Variants in UMAD1 observed in about 807,000 individuals in gnomAD.
UMAD1 encodes UBAP1-MVB12-associated (UMA)-domain containing protein 1.
Under a neutral mutation model 6.1 loss-of-function variants are expected in UMAD1, and 8 were observed. The ratio of observed to expected loss-of-function variants is 1.30; its 90% CI spans 0.76 to 2.35. The LOEUF is 2.35. Among genes scored for constraint, UMAD1 ranks in the 30% most tolerant of loss-of-function variants. The pLI is 0.00. For synonymous variants in UMAD1, 56 were observed against 31.4 expected (o/e 1.78, Z -2.61); for missense variants, 130 against 78.4 (o/e 1.66, Z -2.49).
At position 7,821,446 on chromosome 7, in the gene UMAD1, A is replaced by T. The variant is rs563010562; in HGVS notation, c.156+19703A>T. Among the ~76,000 whole-genome samples the T allele has an allele frequency of 3.9e-4, 59 of 152,344 alleles. No homozygotes were observed. The South Asian group carries it at 9.1e-3, about 24-fold the overall frequency. On this transcript the variant is annotated intron_variant, in intron 3 of 3. Coordinates refer to ENST00000682710, the MANE Select transcript of UMAD1 (RefSeq NM_001302348.2). Reference sequence around the variant, plus strand: ...CCTGTTTAACTTTCTTAATGTGGCTATCAAAAAATTTAAAATTATATGTGT... The same window carrying T: ...CCTGTTTAACTTTCTTAATGTGGCTTTCAAAAAATTTAAAATTATATGTGT...
intron 2 of UMAD1, among the ~76,000 whole-genome samples, chr7:7,680,108 TC>T (rs2115119884): frequency 6.6e-6 from 1 of 152,266 alleles, no homozygotes; most frequent in Non-Finnish European, 1.5e-5. Context: ...ACTCAAGAAA[TC>T]TTTGTTCAGA....
chr7:7,662,533 G>GCACAGTCCCT (rs1785501796), intron 1 of UMAD1, among the ~76,000 whole-genome samples: 1 of 152,144 alleles, frequency 6.6e-6, no homozygotes, highest in South Asian at 2.1e-4. Context: ...GTTCCTCACC[G>GCACAGTCCCT]CACAGTCCCT....
intron 3 of UMAD1, among the ~76,000 whole-genome samples, chr7:7,858,899 C>T (rs924856403): frequency 4.6e-5 from 7 of 152,118 alleles, no homozygotes; most frequent in African/African-American, 1.4e-4. Context: ...TGCCACTAAT[C>T]TCAGGAAAAT....
chr7:7,784,157 G>A (rs1239792081), intron 2 of UMAD1, among the ~76,000 whole-genome samples: 4 of 152,170 alleles, frequency 2.6e-5, no homozygotes, highest in South Asian at 4.2e-4. Context: ...TAGGAGTTTT[G>A]TGACACTGGG....
intron 1 of UMAD1, among the ~76,000 whole-genome samples, chr7:7,661,331 T>C (rs1785469468): frequency 6.6e-6 from 1 of 152,152 alleles, no homozygotes; most frequent in Admixed American, 6.5e-5. Context: ...TTTGTCAAAC[T>C]CACCATTTTT....
chr7:7,732,402 G>A (rs1026702392), intron 2 of UMAD1, among the ~76,000 whole-genome samples: 1 of 151,990 alleles, frequency 6.6e-6, no homozygotes, highest in Non-Finnish European at 1.5e-5. Context: ...AAATAATAAA[G>A]TTTCTAATAG....
At chr7:7,706,850 C>G (rs1267246844) in intron 2 of UMAD1, among the ~76,000 whole-genome samples, 1 of 152,126 alleles carries the variant, frequency 6.6e-6, no homozygotes, top group Non-Finnish European at 1.5e-5. Context: ...GATAGAGCAT[C>G]TTGACTTACT....
chr7:7,860,209 A>G (rs1238383393), intron 3 of UMAD1, among the ~76,000 whole-genome samples: 1 of 152,212 alleles, frequency 6.6e-6, no homozygotes, highest in Non-Finnish European at 1.5e-5. Flanking sequence ...ATTTTAATTT[A>G]TAAAATATTA....
At chr7:7,876,316 G>A (rs1268475114) in intron 3 of UMAD1, among the ~76,000 whole-genome samples, 1 of 152,186 alleles carries the variant, frequency 6.6e-6, no homozygotes, top group Non-Finnish European at 1.5e-5. Context: ...GGGCACACGA[G>A]CTGGAGATGA....
intron 2 of UMAD1, among the ~76,000 whole-genome samples, chr7:7,744,000 C>T (rs1032496889): frequency 1.3e-5 from 2 of 152,028 alleles, no homozygotes; most frequent in Non-Finnish European, 2.9e-5. Flanking sequence ...AATTGTATAA[C>T]CATTACCATA....
At chr7:7,724,914 A>T (rs1781112608) in intron 2 of UMAD1, among the ~76,000 whole-genome samples, 1 of 152,194 alleles carries the variant, frequency 6.6e-6, no homozygotes, top group African/African-American at 2.4e-5. Context: ...AGAGAACTTG[A>T]TTGCTTTTCA....
At chr7:7,674,375 G>T (rs998326913) in intron 2 of UMAD1, among the ~76,000 whole-genome samples, 1 of 152,170 alleles carries the variant, frequency 6.6e-6, no homozygotes, top group Non-Finnish European at 1.5e-5. Flanking sequence ...GTTTCCCTTA[G>T]ATTTAAGGGT....
intron 2 of UMAD1, chr7:7,742,123 C>T (rs545570770): frequency 1.6e-5 from 10 of 611,984 alleles, no homozygotes; most frequent in Admixed American, 7.3e-5. Context: ...TCCAAAGCAT[C>T]GTAATCAGGA....
chr7:7,784,454 G>C (rs898246036), intron 2 of UMAD1, among the ~76,000 whole-genome samples: 1 of 150,498 alleles, frequency 6.6e-6, no homozygotes, highest in South Asian at 2.1e-4. Flanking sequence ...TCCTGCCTCA[G>C]CCTCCCGAGT....
chr7:7,804,983 G>C (rs1782882515), intron 3 of UMAD1, among the ~76,000 whole-genome samples: 1 of 151,478 alleles, frequency 6.6e-6, no homozygotes, highest in Non-Finnish European at 1.5e-5. Context: ...TCCTTCTCAA[G>C]AAAACAAAAC....
At chr7:7,742,386 G>A (rs968686200) in intron 2 of UMAD1, 4 of 587,664 alleles carry the variant, frequency 6.8e-6, no homozygotes, top group East Asian at 3.7e-5. Flanking sequence ...GGCTGCCTCC[G>A]GAGTCGCAGT....
At chr7:7,719,291 A>G (rs781516960) in intron 2 of UMAD1, among the ~76,000 whole-genome samples, 14 of 152,228 alleles carry the variant, frequency 9.2e-5, no homozygotes, top group Non-Finnish European at 1.5e-4. Flanking sequence ...GATCCAGTAT[A>G]TAGTATGCTA....
chr7:7,808,096 A>C (rs1354230895), intron 3 of UMAD1, among the ~76,000 whole-genome samples: 1 of 152,010 alleles, frequency 6.6e-6, no homozygotes, highest in East Asian at 1.9e-4. Context: ...GTATAAATCC[A>C]TGTTTGGGCT....
At chr7:7,832,504 G>T (rs1783486083) in intron 3 of UMAD1, among the ~76,000 whole-genome samples, 2 of 152,160 alleles carry the variant, frequency 1.3e-5, no homozygotes, top group Non-Finnish European at 2.9e-5. Flanking sequence ...ATACGGAAAA[G>T]TAGGAAGAAA....
Sources: gnomAD v4.1 joint callset for allele counts (sites outside exome capture counted in the v4.1 genomes callset) on GRCh38, gnomAD v4.1.1 for gene constraint, MANE v1.5 for transcripts, NCBI Gene and HGNC (gene_info 2026-07-23, HGNC 2026-07-21) for gene names.